CLTC: variants seen among roughly 807,000 people sequenced by gnomAD.
CLTC encodes the protein clathrin heavy chain.
Under a neutral mutation model 195.8 loss-of-function variants are expected in CLTC, and 16 were observed. That is an observed-to-expected ratio of 0.08 (90% CI 0.06 to 0.12). The LOEUF is 0.12. Among genes scored for constraint, CLTC ranks in the 10% least tolerant of loss-of-function variants. The pLI is 1.00. For missense variants in CLTC, 796 were observed against 2,027.0 expected, an observed-to-expected ratio of 0.39 and a Z score of 11.66; for synonymous variants, 667 against 689.4, an observed-to-expected ratio of 0.97 and a Z score of 0.51.
At chr17:59,692,958 T>C (rs2033342468) in intron 31 of CLTC, among the ~76,000 whole-genome samples, 1 of 152,162 alleles carries the variant, frequency 6.6e-6, no homozygotes, top group Non-Finnish European at 1.5e-5. Flanking sequence ...TTATTTTTAA[T>C]TTAACTGCTG....
At chr17:59,664,550 CAAAAAAA>C in intron 9 of CLTC, 2 of 223,790 alleles carry the variant, frequency 8.9e-6, no homozygotes, top group Admixed American at 6.2e-5. Flanking sequence ...GACCCTGTCT[CAAAAAAA>C]AAAAAAAAAA....
intron 30 of CLTC, among the ~76,000 whole-genome samples, chr17:59,688,092 A>G (rs2033222501): frequency 6.6e-6 from 1 of 152,200 alleles, no homozygotes; most frequent in Non-Finnish European, 1.5e-5. Flanking sequence ...GCAGTTAGAA[A>G]GCGTGTGTGT....
At chr17:59,651,594 A>G (rs2032328788) in intron 5 of CLTC, among the ~76,000 whole-genome samples, 1 of 152,216 alleles carries the variant, frequency 6.6e-6, no homozygotes, top group African/African-American at 2.4e-5. Flanking sequence ...TCAAAGTTAC[A>G]CTTAACACTA....
intron 6 of CLTC, chr17:59,658,812 T>A (rs879492249): frequency 6.6e-6 from 1 of 152,156 alleles, no homozygotes; most frequent in Non-Finnish European, 1.5e-5. Flanking sequence ...AAGGTAAGAT[T>A]TGAGTTAAGG....
rs200777495 is a variant in CLTC, at chr17:59,662,102, T to TA, written c.1368+474dup. On this transcript the variant is annotated intron_variant, in intron 8 of 31. Coordinates refer to ENST00000269122, the MANE Select transcript of CLTC (RefSeq NM_004859.4). ...TGGGTGATAGAACGAGACTCGGTCT[T>TA]AAAAAAAAAAAAAAAGTTGGATCTT... Among the ~76,000 whole-genome samples, 433 of 137,870 alleles carry TA rather than the reference T, an allele frequency of 3.1e-3. 1 individual carries two copies. The highest frequency in any genetic ancestry group is 3.6e-3 in the Middle Eastern group (1 of 276). 90.4% of individuals were successfully genotyped at this position (137,870 alleles called of 152,430 possible). A position where few individuals can be genotyped will look rare whatever the true frequency, so the allele number is the denominator to read the frequency against.
intron 8 of CLTC, 80 bp from the exon 9 acceptor site, chr17:59,663,762 C>T (rs1598225491): frequency 1.7e-6 from 2 of 1,195,476 alleles, no homozygotes; most frequent in East Asian, 4.9e-5. Context: ...CTAGTTATTA[C>T]TTATAGTGGA....
intron 5 of CLTC, among the ~76,000 whole-genome samples, chr17:59,651,725 T>C (rs1006920680): frequency 2.6e-5 from 4 of 152,244 alleles, no homozygotes; most frequent in Non-Finnish European, 2.9e-5. Context: ...TAGTGAGTTG[T>C]AATCTTTTTG....
chr17:59,625,377 G>A (rs796308986), intron 1 of CLTC, among the ~76,000 whole-genome samples: 2 of 151,852 alleles, frequency 1.3e-5, no homozygotes, highest in African/African-American at 4.8e-5. Context: ...TGCCTGCCTC[G>A]GCCTCCCGAA....
intron 30 of CLTC, chr17:59,690,305 C>T (rs551508107): frequency 4.8e-4 from 100 of 207,894 alleles, no homozygotes; most frequent in Non-Finnish European, 7.5e-4. Context: ...TCATTATTAC[C>T]TCTGATCAGT....
chr17:59,646,244 A>G (rs1439341248), intron 2 of CLTC, among the ~76,000 whole-genome samples: 1 of 152,156 alleles, frequency 6.6e-6, no homozygotes, highest in Non-Finnish European at 1.5e-5. Flanking sequence ...AGCAAAGGAA[A>G]GTAAGTCATT....
In CLTC at chr17:59,660,531, T is replaced by C. The variant is rs749529679; in HGVS notation, c.1110T>C (p.Ala370=). 1 of 1,614,158 alleles carries C rather than the reference T, an allele frequency of 6.2e-7. No homozygotes were observed. The highest frequency in any genetic ancestry group is 1.7e-5 in the Admixed American group (1 of 60,018). Residue 370 remains alanine (A), a synonymous_variant, in exon 7 of 32, where the codon GCT becomes GCC. Coordinates refer to ENST00000269122, the MANE Select transcript of CLTC (RefSeq NM_004859.4). The stretch of plus-strand genomic sequence containing the variant: ...AACTCTTTGCCCGGAAATTTAATGC[T>C]CTTTTTGCCCAGGGAAATTACTCGG... The part of the protein sequence containing the change: ...AEELFARKFN[A]LFAQGNYSEA...
At chr17:59,692,793 C>T (rs376185374) in intron 31 of CLTC, among the ~76,000 whole-genome samples, 8 of 152,128 alleles carry the variant, frequency 5.3e-5, no homozygotes, top group South Asian at 2.1e-4. Flanking sequence ...TGCACCACCA[C>T]GCCCGGCTAA....
rs182673446 is a variant in CLTC, at chr17:59,679,939, C to A, written c.2919+420C>A. Among the ~76,000 whole-genome samples the A allele has an allele frequency of 7.8e-4, 118 of 151,974 alleles. 1 individual carries two copies. Among genetic ancestry groups the A allele is most frequent in the African/African-American group, 2.6e-3 (109 of 41,488 alleles). On this transcript the variant is annotated intron_variant, in intron 18 of 31. Transcript: ENST00000269122. ...CAAAAATTAGCCAGGTGCATGTAAT[C>A]CCAGCTACTCGGCAGGAAAATCGCT...
intron 6 of CLTC, among the ~76,000 whole-genome samples, chr17:59,656,830 C>T (rs1470422143): frequency 3.3e-5 from 5 of 152,006 alleles, no homozygotes; most frequent in South Asian, 2.1e-4. Flanking sequence ...TGAGTCACTG[C>T]ACCCGGCTAA....
intron 17 of CLTC, among the ~76,000 whole-genome samples, chr17:59,677,624 T>C (rs2032995262): frequency 6.6e-6 from 1 of 152,222 alleles, no homozygotes; most frequent in Non-Finnish European, 1.5e-5. Context: ...ATAGGATACC[T>C]TTAAAAATCT....
chr17:59,694,195 A>T lies in CLTC; in HGVS notation c.*343A>T, dbSNP rs1227155127. On this transcript the variant is annotated 3_prime_UTR_variant, in exon 32 of 32. Coordinates refer to ENST00000269122, the MANE Select transcript of CLTC (RefSeq NM_004859.4). ...GTGTTTAAAGAAACAAAGAAACTCT[A>T]ATATTGAATCTCTTAAATTTAGTGT... 4.4e-6 allele frequency: 1 copy of T among 227,218 alleles called. No homozygotes were observed. Among genetic ancestry groups the T allele is most frequent in the African/African-American group, 2.2e-5 (1 of 44,794 alleles). 14.1% of individuals were successfully genotyped at this position (227,218 alleles called of 1,614,324 possible).
rs1230044333 is a variant in CLTC at position 59,695,882 on chromosome 17, C to A, written c.*2030C>A. On this transcript the variant is annotated 3_prime_UTR_variant, in exon 32 of 32. Coordinates refer to ENST00000269122, the MANE Select transcript of CLTC (RefSeq NM_004859.4). The stretch of plus-strand genomic sequence containing the variant: ...TATGAAAACATTGACTCTGTGGAGA[C>A]CCTGTGGGTTCTGCAGAGTATACTT... The A allele has an allele frequency of 5.1e-6, 1 of 197,966 alleles. No homozygotes were observed. The highest frequency in any genetic ancestry group is 7.8e-5 in the East Asian group (1 of 12,746). 12.3% of individuals were successfully genotyped at this position (197,966 alleles called of 1,614,324 possible). A position where few individuals can be genotyped will look rare whatever the true frequency, so the allele number is the denominator to read the frequency against.
In CLTC at chr17:59,693,942, CGTGTTCTT is replaced by C; in HGVS notation, c.*93_*100del. 7.5e-7 allele frequency: 1 copy of C among 1,335,868 alleles called. No homozygotes were observed. Among genetic ancestry groups the C allele is most frequent in the Non-Finnish European group, 9.9e-7 (1 of 1,007,190 alleles). 82.8% of individuals were successfully genotyped at this position (1,335,868 alleles called of 1,614,324 possible). ...GTTTATAATGGGGGAAAACAGGCAA[CGTGTTCTT>C]GTAACCTTTATTTCATGAAGGACTT... is the stretch of plus-strand genomic sequence containing the variant. On this transcript the variant is annotated 3_prime_UTR_variant, in exon 32 of 32. Coordinates refer to ENST00000269122, the MANE Select transcript of CLTC (RefSeq NM_004859.4).
At chr17:59,672,082 G>T (rs1018677822) in intron 14 of CLTC, among the ~76,000 whole-genome samples, 31 of 152,232 alleles carry the variant, frequency 2.0e-4, no homozygotes, top group African/African-American at 6.7e-4. Context: ...TTATGTTGAA[G>T]AAAACCTCTG....
Sources: gnomAD v4.1 joint callset for allele counts (sites outside exome capture counted in the v4.1 genomes callset) on GRCh38, gnomAD v4.1.1 for gene constraint, MANE v1.5 for transcripts, NCBI Gene and HGNC (gene_info 2026-07-23, HGNC 2026-07-21) for gene names.